The following PTPRN2 variants were observed in gnomAD, a reference collection of about 807,000 sequenced individuals.
The protein encoded by PTPRN2 is receptor-type tyrosine-protein phosphatase N2.
A neutral mutation model predicts 118.8 loss-of-function variants in PTPRN2; 74 were observed. The observed-to-expected ratio is 0.62, with a 90% CI of 0.52 to 0.76. The LOEUF is 0.76. Ranked by LOEUF, PTPRN2 falls within the 30% of genes least tolerant of loss-of-function variation. The pLI, the probability that PTPRN2 is intolerant of heterozygous loss-of-function variation, is 0.00. For synonymous variants in PTPRN2, 641 were observed against 608.0 expected (o/e 1.05, Z -0.80); for missense variants, 1,481 against 1,394.4 (o/e 1.06, Z -0.99).
intron 6 of PTPRN2, among the ~76,000 whole-genome samples, chr7:158,153,527 A>G (rs1370888261): frequency 6.6e-6 from 1 of 152,096 alleles, no homozygotes. Flanking sequence ...CAGCTCCCCT[A>G]GAGGTTTGAG....
At chr7:158,133,584 T>C (rs1274721439) in intron 9 of PTPRN2, 93 bp downstream of exon 9, 22 of 1,473,924 alleles carry the variant, frequency 1.5e-5, no homozygotes, top group Non-Finnish European at 2.7e-6. Flanking sequence ...TAAAAGCGTA[T>C]GCATCCGCCA....
chr7:158,577,551 C>T (rs1828404243), intron 1 of PTPRN2, among the ~76,000 whole-genome samples: 1 of 149,556 alleles, frequency 6.7e-6, no homozygotes. Context: ...ACACTGAGGG[C>T]TCCCAGCCCT....
At chr7:158,145,275 C>A (rs373941426) in intron 6 of PTPRN2, among the ~76,000 whole-genome samples, 1 of 122,264 alleles carries the variant, frequency 8.2e-6, no homozygotes, top group Non-Finnish European at 1.7e-5. Flanking sequence ...CACATCATCG[C>A]GAGAAGGTTC....
At position 157,831,649 on chromosome 7, in the gene PTPRN2, T is replaced by C. The variant is rs116957175; in HGVS notation, c.1788+67024A>G. 2.8e-3 allele frequency among the ~76,000 whole-genome samples: 418 copies of C among 151,870 alleles called. No individual in the cohort carries two copies. Among genetic ancestry groups the C allele is most frequent in the Non-Finnish European group, 4.6e-3 (313 of 67,904 alleles). ...CGAGCAGGAAGACATCCAACCCTTA[T>C]TGGGAGTCTACACAGGTGTTCTGCA... On this transcript the variant is annotated intron_variant, in intron 12 of 22. Coordinates refer to ENST00000389418, the MANE Select transcript of PTPRN2 (RefSeq NM_002847.5). This position sits in a 1 kb window ranked among gnomAD's most constrained non-coding sequence, Gnocchi z 4.8.
chr7:158,559,736 C>T (rs1827259346), intron 1 of PTPRN2, among the ~76,000 whole-genome samples: 1 of 152,198 alleles, frequency 6.6e-6, no homozygotes. Context: ...CTGCCTCCCT[C>T]ATGACTGGGG....
intron 1 of PTPRN2, among the ~76,000 whole-genome samples, chr7:158,548,131 A>T (rs559842580): frequency 1.6e-4 from 25 of 152,320 alleles, no homozygotes; most frequent in Admixed American, 1.2e-3. Context: ...TCCACTCTGC[A>T]TTGTCCATGC....
intron 1 of PTPRN2, among the ~76,000 whole-genome samples, chr7:158,507,557 G>C (rs1316415630): frequency 6.7e-6 from 1 of 149,736 alleles, no homozygotes; most frequent in African/African-American, 2.5e-5. Flanking sequence ...ATATCCAGGG[G>C]ACAGCCCCGT....
intron 11 of PTPRN2, among the ~76,000 whole-genome samples, chr7:158,051,487 C>T (rs1022808595): frequency 1.3e-5 from 2 of 152,228 alleles, no homozygotes; most frequent in Admixed American, 6.5e-5. Context: ...TCAGGTGCAC[C>T]AAGGTTCCTG....
intron 11 of PTPRN2, among the ~76,000 whole-genome samples, chr7:157,908,298 C>T (rs1381131386): frequency 6.6e-6 from 1 of 152,238 alleles, no homozygotes; most frequent in African/African-American, 2.4e-5. Flanking sequence ...TTGAAAGGGC[C>T]TCCACCCCTG....
intron 11 of PTPRN2, among the ~76,000 whole-genome samples, chr7:157,952,840 G>A (rs1800920775): frequency 6.6e-6 from 1 of 152,260 alleles, no homozygotes; most frequent in South Asian, 2.1e-4. Context: ...TTGCTTTCAG[G>A]TGGAAACATT....
chr7:158,332,875 A>T (rs1274710585), intron 2 of PTPRN2, among the ~76,000 whole-genome samples: 1 of 148,446 alleles, frequency 6.7e-6, no homozygotes, highest in African/African-American at 2.6e-5. Context: ...CACTCTCACC[A>T]TAAGAAGTGA....
chr7:157,721,972 C>T (rs1163539798), intron 12 of PTPRN2, among the ~76,000 whole-genome samples: 4 of 152,260 alleles, frequency 2.6e-5, no homozygotes, highest in Non-Finnish European at 2.9e-5. Context: ...CCGAAGACCA[C>T]GTGCTGTGCG....
At chr7:158,047,681 G>C (rs1346590479) in intron 11 of PTPRN2, among the ~76,000 whole-genome samples, 1 of 152,254 alleles carries the variant, frequency 6.6e-6, no homozygotes, top group Non-Finnish European at 1.5e-5. Context: ...TGGCGTTTCA[G>C]AGCCGATGGC....
intron 11 of PTPRN2, among the ~76,000 whole-genome samples, chr7:157,907,848 C>T (rs1797866494): frequency 6.6e-6 from 1 of 152,168 alleles, no homozygotes; most frequent in African/African-American, 2.4e-5. Context: ...TGATCAGAGC[C>T]ATTTTCTTTC....
intron 2 of PTPRN2, among the ~76,000 whole-genome samples, chr7:158,414,045 G>A (rs1479273238): frequency 6.7e-6 from 1 of 149,134 alleles, no homozygotes; most frequent in African/African-American, 2.5e-5. Flanking sequence ...TTCAGCCTGG[G>A]TGACAGAGAC....
At chr7:157,551,557 C>A (rs1798605036) in intron 21 of PTPRN2, among the ~76,000 whole-genome samples, 1 of 147,036 alleles carries the variant, frequency 6.8e-6, no homozygotes, top group Non-Finnish European at 1.5e-5. Flanking sequence ...CACCACACAC[C>A]CCACGCACCC....
intron 11 of PTPRN2, among the ~76,000 whole-genome samples, chr7:158,016,451 C>T (rs929078990): frequency 1.3e-5 from 2 of 152,286 alleles, no homozygotes; most frequent in East Asian, 1.9e-4. Flanking sequence ...CTGTCCGAGG[C>T]GCGGAGCCCA....
rs1055831611 is a variant in PTPRN2 at position 158,553,353 on chromosome 7, C to T, written c.112+34205G>A. Among the ~76,000 whole-genome samples, 5 of 150,876 alleles carry T rather than the reference C, an allele frequency of 3.3e-5. No individual in the cohort carries two copies. In the East Asian group the frequency reaches 5.9e-4, roughly 18 times the overall value. Reference sequence around the variant, plus strand: ...ACACCTGTAGGCTTGGGAGTCTACACGACCTTCCCTGTGTATATGCACAGG... The same window carrying T: ...ACACCTGTAGGCTTGGGAGTCTACATGACCTTCCCTGTGTATATGCACAGG... On this transcript the variant is annotated intron_variant, in intron 1 of 22. Transcript: ENST00000389418.
intron 1 of PTPRN2, among the ~76,000 whole-genome samples, chr7:158,515,633 C>T (rs1405359606): frequency 1.3e-5 from 2 of 152,168 alleles, no homozygotes; most frequent in Admixed American, 6.6e-5. Flanking sequence ...ATTCCATGCT[C>T]GCCTTTCTAC....
Sources: allele counts gnomAD v4.1 joint callset (sites outside exome capture counted in the v4.1 genomes callset), GRCh38; gene constraint gnomAD v4.1.1; non-coding constraint Gnocchi (gnomAD v3.1); transcripts MANE v1.5; gene names NCBI Gene and HGNC (gene_info 2026-07-23, HGNC 2026-07-21).